Variants in ASPH observed in about 807,000 individuals in gnomAD.
ASPH encodes the protein aspartyl/asparaginyl beta-hydroxylase.
Under a neutral mutation model 118.4 loss-of-function variants are expected in ASPH, and 100 were observed. The ratio of observed to expected loss-of-function variants is 0.84; its 90% confidence interval spans 0.72 to 1.00. ASPH has a LOEUF of 1.00. ASPH is among the 50% of genes least tolerant of loss of function. The pLI is 0.00. For missense variants in ASPH, 920 were observed against 919.5 expected (o/e 1.00, Z -0.01); for synonymous variants, 315 against 325.6 (o/e 0.97, Z 0.35).
chr8:61,616,606 T>A (rs1248628919), intron 14 of ASPH, among the ~76,000 whole-genome samples: 1 of 152,182 alleles, frequency 6.6e-6, no homozygotes, highest in African/African-American at 2.4e-5. Context: ...TGTGGTCTAG[T>A]CTTTGACTTT....
rs111684698 is a variant in ASPH at position 61,628,966 on chromosome 8, T to G, written c.934+4717A>C. Among the ~76,000 whole-genome samples the G allele has an allele frequency of 2.1e-3, 316 of 152,320 alleles. 4 individuals carry two copies. Among genetic ancestry groups the G allele is most frequent in the African/African-American group, 6.9e-3 (285 of 41,562 alleles). On this transcript the variant is annotated intron_variant, in intron 13 of 24. Transcript: ENST00000379454. ...AGCTACTAAGAATGTAAAGTCAATT[T>G]CCACCCTTGCCCCCAGACCTCTGGT... is the stretch of plus-strand genomic sequence containing the variant.
At position 61,690,601 on chromosome 8, in the gene ASPH, G is replaced by T. The variant is rs753231438; in HGVS notation, c.104-6413C>A. Among the ~76,000 whole-genome samples, 82 of 152,118 alleles carry T rather than the reference G, an allele frequency of 5.4e-4. No homozygotes were observed. In the Middle Eastern group the frequency reaches 0.01, roughly 19 times the overall value. On this transcript the variant is annotated intron_variant, in intron 1 of 24. Coordinates refer to ENST00000379454, the MANE Select transcript of ASPH (RefSeq NM_004318.4). ...ACTGATCTAACATTAGCAGTTCACAGAATTCATTAGAGTTCTGATTAGTAT... is the reference window on the plus strand; with the variant it reads ...ACTGATCTAACATTAGCAGTTCACATAATTCATTAGAGTTCTGATTAGTAT...
intron 14 of ASPH, among the ~76,000 whole-genome samples, chr8:61,600,123 T>C (rs144325639): frequency 4.1e-4 from 63 of 151,978 alleles, no homozygotes; most frequent in African/African-American, 1.3e-3. Context: ...TAAAAAAAAA[T>C]ACATCGATAG....
intron 21 of ASPH, among the ~76,000 whole-genome samples, chr8:61,534,779 C>T (rs1818873821): frequency 6.6e-6 from 1 of 152,218 alleles, no homozygotes; most frequent in Non-Finnish European, 1.5e-5. Context: ...GCAGTTAGTA[C>T]ACATTTCAGT....
intron 14 of ASPH, among the ~76,000 whole-genome samples, chr8:61,596,968 G>A (rs1337366990): frequency 6.6e-6 from 1 of 152,004 alleles, no homozygotes; most frequent in Admixed American, 6.6e-5. Flanking sequence ...TGAGATATAT[G>A]AGAACAGAGA....
At chr8:61,660,354 T>C (rs919195041) in intron 3 of ASPH, 5 of 152,230 alleles carry the variant, frequency 3.3e-5, no homozygotes, top group Admixed American at 2.0e-4. Context: ...CTGCTTTCAG[T>C]GCATCAATTC....
intron 24 of ASPH, among the ~76,000 whole-genome samples, chr8:61,506,237 C>G (rs1159505340): frequency 6.6e-6 from 1 of 152,136 alleles, no homozygotes; most frequent in African/African-American, 2.4e-5. Flanking sequence ...AAGATAATTA[C>G]TAGTTGATTC....
intron 1 of ASPH, among the ~76,000 whole-genome samples, chr8:61,700,667 A>C (rs1009572384): frequency 6.6e-6 from 1 of 152,252 alleles, no homozygotes; most frequent in African/African-American, 2.4e-5. Context: ...GGAAACAAAC[A>C]ACGTAAGAAT....
At chr8:61,669,388 T>G (rs1563494523) in intron 3 of ASPH, among the ~76,000 whole-genome samples, 2 of 152,318 alleles carry the variant, frequency 1.3e-5, no homozygotes, top group East Asian at 3.9e-4. Context: ...CTCTTACCAC[T>G]GACAACATAA....
chr8:61,565,199 T>C lies in ASPH; in HGVS notation c.1300+1969A>G, dbSNP rs75222388. 1.1e-3 allele frequency among the ~76,000 whole-genome samples: 164 copies of C among 152,348 alleles called. 4 individuals carry two copies. The East Asian group carries it at 0.014, about 13-fold the overall frequency. ...CTAAATCTGATGATATATGATATGA[T>C]GTTCTTTTCAAAGTATTTGCAAATT... On this transcript the variant is annotated intron_variant, in intron 17 of 24. Transcript: ENST00000379454.
intron 1 of ASPH, among the ~76,000 whole-genome samples, chr8:61,705,947 C>T (rs1353974096): frequency 6.6e-6 from 1 of 152,188 alleles, no homozygotes; most frequent in African/African-American, 2.4e-5. Context: ...GTAGCATCTA[C>T]ATGGTGGAGT....
chr8:61,583,672 TC>T (rs1838333274), intron 15 of ASPH: 2 of 308,768 alleles, frequency 6.5e-6, no homozygotes, highest in South Asian at 6.8e-5. Flanking sequence ...CCAAGTGGTT[TC>T]CCCAAAGCTG....
At chr8:61,606,056 G>A (rs1354362157) in intron 14 of ASPH, among the ~76,000 whole-genome samples, 3 of 152,138 alleles carry the variant, frequency 2.0e-5, no homozygotes, top group Non-Finnish European at 1.5e-5. Context: ...CACATACCCT[G>A]CTGGGTCCTA....
chr8:61,668,360 T>A, intron 3 of ASPH: 3 of 1,012,564 alleles, frequency 3.0e-6, no homozygotes, highest in Non-Finnish European at 4.5e-6. Flanking sequence ...ATAGGTAAAA[T>A]CAATGCCACT....
intron 13 of ASPH, chr8:61,625,204 C>T (rs1393079410): frequency 4.1e-6 from 4 of 985,554 alleles, no homozygotes; most frequent in Non-Finnish European, 4.8e-6. Context: ...GCAATTATTT[C>T]TGAGCCCAAA....
At chr8:61,675,517 T>C in intron 3 of ASPH, 2 of 981,838 alleles carry the variant, frequency 2.0e-6, no homozygotes, top group South Asian at 9.4e-5. Flanking sequence ...CACAGAATTT[T>C]ACATAGAAAT....
At chr8:61,588,275 C>T (rs1307550717) in intron 14 of ASPH, among the ~76,000 whole-genome samples, 1 of 152,100 alleles carries the variant, frequency 6.6e-6, no homozygotes, top group Non-Finnish European at 1.5e-5. Flanking sequence ...TCCTTACTTC[C>T]CTTGCCAGGC....
chr8:61,684,198 A>C lies in ASPH; in HGVS notation c.104-10T>G. 6.2e-7 allele frequency: 1 copy of C among 1,603,792 alleles called. No individual in the cohort carries two copies. On this transcript the variant is annotated splice_polypyrimidine_tract_variant and intron_variant, in intron 1 of 24. Transcript: ENST00000379454. ...CCTCCATGCTTTGTCTCTGTTTAGA[A>C]ATAAATGTAAGATATCATAAGAAGA...
chr8:61,580,797 A>G (rs536965101), intron 15 of ASPH, among the ~76,000 whole-genome samples: 3 of 152,324 alleles, frequency 2.0e-5, no homozygotes, highest in African/African-American at 7.2e-5. Context: ...AGGAAACATG[A>G]TTGCATTTAA....
Sources: allele counts gnomAD v4.1 joint callset (sites outside exome capture counted in the v4.1 genomes callset), GRCh38; gene constraint gnomAD v4.1.1; transcripts MANE v1.5; gene names NCBI Gene and HGNC (gene_info 2026-07-23, HGNC 2026-07-21).